The following NCOA1 variants were observed in gnomAD, a reference collection of about 807,000 sequenced individuals.
NCOA1 encodes the protein Hin-2 protein.
In NCOA1, 35 loss-of-function variants were observed where a neutral mutation model predicts 150.9. The observed-to-expected ratio is 0.23, with a 90% CI of 0.18 to 0.31. NCOA1 has a LOEUF of 0.31. Ranked by LOEUF, NCOA1 falls within the 10% of genes least tolerant of loss-of-function variation. The pLI is 1.00. For synonymous variants in NCOA1, 590 were observed against 630.0 expected, an observed-to-expected ratio of 0.94 and a Z score of 0.95; for missense variants, 1,491 against 1,749.3, an observed-to-expected ratio of 0.85 and a Z score of 2.63.
At chr2:24,568,330 T>C (rs1666597153) in intron 2 of NCOA1, among the ~76,000 whole-genome samples, 1 of 152,164 alleles carries the variant, frequency 6.6e-6, no homozygotes, top group East Asian at 1.9e-4. Flanking sequence ...AAATGGTACC[T>C]TTTTAAAATG....
rs549923392 is a variant in NCOA1 at position 24,610,638 on chromosome 2, T to C, written c.-175+26078T>C. 3.2e-4 allele frequency among the ~76,000 whole-genome samples: 49 copies of C among 152,072 alleles called. No homozygotes were observed. The South Asian group carries it at 0.01, about 31-fold the overall frequency. ...TATTTTTATTTGTTCCATCTTTTTC[T>C]CTTAATATATTAAACATATTTAATA... On this transcript the variant is annotated intron_variant, in intron 3 of 22. Transcript: ENST00000348332.
intron 2 of NCOA1, among the ~76,000 whole-genome samples, chr2:24,580,261 A>G (rs1346904053): frequency 1.3e-5 from 2 of 152,102 alleles, no homozygotes; most frequent in African/African-American, 4.8e-5. Context: ...GGCTTCTTGA[A>G]TCTGTAAATT....
At chr2:24,541,372 G>T (rs1056712852) in intron 1 of NCOA1, among the ~76,000 whole-genome samples, 1 of 152,162 alleles carries the variant, frequency 6.6e-6, no homozygotes, top group Admixed American at 6.5e-5. Context: ...ATTACCAAAG[G>T]ATAAGAAAGG....
intron 2 of NCOA1, among the ~76,000 whole-genome samples, chr2:24,569,683 A>C (rs1289848331): frequency 3.4e-5 from 5 of 147,868 alleles, no homozygotes; most frequent in Non-Finnish European, 7.4e-5. Context: ...CAACCTGGCC[A>C]ATGTGGTGAA....
At chr2:24,757,924 C>G (rs1169855518) in intron 20 of NCOA1, 49 bp from the exon 21 acceptor site, 2 of 1,576,970 alleles carry the variant, frequency 1.3e-6, no homozygotes, top group Admixed American at 3.5e-5. Context: ...TCATATATCC[C>G]CTTGTTCATG....
intron 3 of NCOA1, among the ~76,000 whole-genome samples, chr2:24,631,541 A>G (rs1669710619): frequency 6.6e-6 from 1 of 152,158 alleles, no homozygotes; most frequent in African/African-American, 2.4e-5. Context: ...TCTAGTTGGT[A>G]AGTTTGTTTT....
intron 10 of NCOA1, among the ~76,000 whole-genome samples, chr2:24,696,995 A>C (rs1370110089): frequency 6.6e-6 from 1 of 152,094 alleles, no homozygotes; most frequent in Non-Finnish European, 1.5e-5. Context: ...CTGTTAACTG[A>C]GGAATAACTT....
At chr2:24,758,572 C>T (rs554991085) in intron 21 of NCOA1, among the ~76,000 whole-genome samples, 2 of 151,984 alleles carry the variant, frequency 1.3e-5, no homozygotes, top group African/African-American at 2.4e-5. Flanking sequence ...CTCAAGCAAT[C>T]CTCCTATCCC....
At chr2:24,630,535 T>C (rs967535531) in intron 3 of NCOA1, among the ~76,000 whole-genome samples, 6 of 152,238 alleles carry the variant, frequency 3.9e-5, no homozygotes, top group Middle Eastern at 3.2e-3. Flanking sequence ...GGTGGTTCTC[T>C]TTATTACTGG....
intron 6 of NCOA1, 45 bp from the exon 7 acceptor site, chr2:24,673,321 A>G: frequency 1.5e-6 from 2 of 1,324,726 alleles, no homozygotes; most frequent in Non-Finnish European, 2.1e-6. Context: ...TTATGGAAAT[A>G]AGCTCTTTTC....
At chr2:24,499,544 C>T (rs1408894800) in intron 1 of NCOA1, among the ~76,000 whole-genome samples, 1 of 151,440 alleles carries the variant, frequency 6.6e-6, no homozygotes, top group South Asian at 2.1e-4. Context: ...TTTTTTTAAG[C>T]AGTAAGTATT....
chr2:24,608,645 G>C (rs1572484523), intron 3 of NCOA1, among the ~76,000 whole-genome samples: 1 of 150,340 alleles, frequency 6.7e-6, no homozygotes, highest in African/African-American at 2.4e-5. Context: ...CACTGAACTT[G>C]ACACCTTATT....
chr2:24,563,723 GC>G (rs937865739), intron 1 of NCOA1, among the ~76,000 whole-genome samples: 1 of 152,044 alleles, frequency 6.6e-6, no homozygotes, highest in Admixed American at 6.6e-5. Context: ...TTGTCATGTT[GC>G]CCAGGCTGGT....
intron 19 of NCOA1, 43 bp from the exon 20 acceptor site, chr2:24,751,939 A>G: frequency 6.5e-7 from 1 of 1,546,124 alleles, no homozygotes; most frequent in Non-Finnish European, 8.8e-7. Context: ...GGGTTAATAA[A>G]TTTATAGTGT....
intron 18 of NCOA1, among the ~76,000 whole-genome samples, chr2:24,741,346 T>C (rs1428448266): frequency 6.6e-6 from 1 of 152,176 alleles, no homozygotes; most frequent in African/African-American, 2.4e-5. Flanking sequence ...TTTTTTGGAA[T>C]TGAAAAAGTC....
rs1346480729 is a variant in NCOA1 at position 24,707,218 on chromosome 2, A to G, written c.1748A>G (p.Lys583Arg). The G allele has an allele frequency of 6.2e-7, 1 of 1,614,084 alleles. No homozygotes were observed. The highest frequency in any genetic ancestry group is 1.3e-5 in the African/African-American group (1 of 74,934). Reference sequence around the variant, plus strand: ...ATACAACCAGCAAAAGCTGAGTCCAAAGATAACAAAGAGATTGCCTCAATT... The same window carrying G: ...ATACAACCAGCAAAAGCTGAGTCCAGAGATAACAAAGAGATTGCCTCAATT... ...LNIQPAKAES[K>R]DNKEIASILN... Residue 583 changes from lysine to arginine, a missense_variant, in exon 13 of 23, where the codon AAA becomes AGA. Physicochemically the swap from Lys to Arg is conservative, Grantham distance 26. Coordinates refer to ENST00000348332, the MANE Select transcript of NCOA1 (RefSeq NM_003743.5).
At chr2:24,646,163 A>T (rs1040753620) in intron 4 of NCOA1, among the ~76,000 whole-genome samples, 1 of 152,174 alleles carries the variant, frequency 6.6e-6, no homozygotes, top group African/African-American at 2.4e-5. Flanking sequence ...TTTCAAATGT[A>T]CCAAATAGTT....
intron 1 of NCOA1, among the ~76,000 whole-genome samples, chr2:24,541,675 C>T (rs967082749): frequency 1.3e-5 from 2 of 152,134 alleles, no homozygotes; most frequent in African/African-American, 4.8e-5. Flanking sequence ...GGGAAATTAT[C>T]TGAAAAAGAT....
At chr2:24,723,035 T>TTTTGTATA (rs1037334373) in intron 14 of NCOA1, among the ~76,000 whole-genome samples, 1 of 151,606 alleles carries the variant, frequency 6.6e-6, no homozygotes, top group Admixed American at 6.6e-5. Context: ...ATTTCATGGT[T>TTTTGTATA]TTTGTATATT....
Sources: allele counts gnomAD v4.1 joint callset (sites outside exome capture counted in the v4.1 genomes callset), GRCh38; gene constraint gnomAD v4.1.1; transcripts MANE v1.5; gene names NCBI Gene and HGNC (gene_info 2026-07-23, HGNC 2026-07-21).